The following KDR variants were observed in gnomAD, a reference collection of about 807,000 sequenced individuals.
KDR encodes the protein vascular endothelial growth factor receptor 2.
KDR carries 43 observed loss-of-function variants against 160.9 expected under a neutral mutation model. The observed-to-expected ratio is 0.27, with a 90% confidence interval of 0.21 to 0.34. The LOEUF (loss-of-function observed/expected upper bound fraction) is 0.34. Ranked by LOEUF, KDR falls within the 10% of genes least tolerant of loss-of-function variation. The probability of loss-of-function intolerance (pLI) is 1.00; values close to 1 mark genes in which losing one functional copy is unlikely to be tolerated. For synonymous variants in KDR, 617 were observed against 600.1 expected (o/e 1.03, Z -0.41); for missense variants, 1,469 against 1,666.4 (o/e 0.88, Z 2.06).
At chr4:55,102,111 G>T (rs1245084647) in intron 14 of KDR, 83 bp from the exon 15 acceptor site, 12 of 1,566,816 alleles carry the variant, frequency 7.7e-6, no homozygotes, top group Non-Finnish European at 1.1e-5. Flanking sequence ...AAATATAAAT[G>T]CTGCCCTTCA....
chr4:55,104,529 C>T (rs920275687), intron 13 of KDR, 114 bp downstream of exon 13: 2 of 813,528 alleles, frequency 2.5e-6, no homozygotes, highest in Non-Finnish European at 4.1e-6. Context: ...GAAGTGTGCA[C>T]CAGTTTACAA....
intron 27 of KDR, among the ~76,000 whole-genome samples, chr4:55,083,517 G>T (rs1719786669): frequency 6.6e-6 from 1 of 151,974 alleles, no homozygotes; most frequent in South Asian, 2.1e-4. Context: ...CAAAGAATAA[G>T]ACTTGTTGAA....
At chr4:55,124,677 T>A (rs1037042242) in intron 1 of KDR, among the ~76,000 whole-genome samples, 2 of 121,164 alleles carry the variant, frequency 1.7e-5, no homozygotes, top group Non-Finnish European at 3.5e-5. Context: ...AAAAAGTTTC[T>A]CTCCGCTCCA....
At chr4:55,082,438 A>G in intron 28 of KDR, 98 bp downstream of exon 28, 1 of 923,008 alleles carries the variant, frequency 1.1e-6, no homozygotes, top group East Asian at 2.5e-5. Flanking sequence ...CAGCCTTCTA[A>G]TGAGGCTCCA....
Position 55,080,022 on chromosome 4 carries a change from T to C in KDR, c.3990A>G (p.Ile1330Met), listed in dbSNP as rs1394705115. The C allele has an allele frequency of 1.2e-6, 2 of 1,614,180 alleles. No individual in the cohort carries two copies. Among genetic ancestry groups the C allele is most frequent in the South Asian group, 1.1e-5 (1 of 91,080 alleles). ...SSEEAELLKL[I>M]EIGVQTGSTA... Reference sequence around the variant, plus strand: ...TGCTACCGGTTTGCACTCCAATCTCTATCAGCTTTAAAAGTTCTGCTTCCT... The same window carrying C: ...TGCTACCGGTTTGCACTCCAATCTCCATCAGCTTTAAAAGTTCTGCTTCCT... The change falls in exon 30 of 30, where the codon ATA becomes ATG. Residue 1330 changes from isoleucine (I) to methionine (M), a missense_variant. By Grantham distance (10) the Ile-to-Met change is conservative (BLOSUM62 1). Coordinates refer to ENST00000263923, the MANE Select transcript of KDR (RefSeq NM_002253.4).
chr4:55,098,210 T>C lies in KDR; in HGVS notation c.2436A>G (p.Pro812=). ...LSIVMDPDEL[P]LDEHCERLPY... is the part of the protein sequence containing the mutation. ...GCAGTCGTTCACAATGTTCATCCAATGGGAGTTCATCTGGATCCATGACGA... is the reference window on the plus strand; with the variant it reads ...GCAGTCGTTCACAATGTTCATCCAACGGGAGTTCATCTGGATCCATGACGA... Residue 812 remains proline (P), a synonymous_variant, in exon 17 of 30, where the codon CCA becomes CCG. Coordinates refer to ENST00000263923, the MANE Select transcript of KDR (RefSeq NM_002253.4). The C allele has an allele frequency of 1.2e-6, 2 of 1,613,892 alleles. No homozygotes were observed. The highest frequency in any genetic ancestry group is 2.2e-5 in the South Asian group (2 of 91,082).
intron 9 of KDR, 24 bp downstream of exon 9, chr4:55,110,377 CAG>C: frequency 6.2e-7 from 1 of 1,611,008 alleles, no homozygotes. Context: ...AAATCTTGGG[CAG>C]AGAGGAAAAT....
intron 1 of KDR, 25 bp downstream of exon 1, chr4:55,125,202 T>G (rs1007267693): frequency 4.4e-6 from 7 of 1,607,744 alleles, no homozygotes; most frequent in Non-Finnish European, 5.9e-6. Context: ...CTGTCTGCCT[T>G]CCTCCTCCAG....
rs1578137110 is a variant in KDR at position 55,110,494 on chromosome 4, C to G, written c.1164G>C (p.Val388=). 6.2e-7 allele frequency: 1 copy of G among 1,613,944 alleles called. No individual in the cohort carries two copies. The highest frequency in any genetic ancestry group is 1.1e-5 in the South Asian group (1 of 91,078). ...KAGHVLTIME[V]SERDTGNYTV... ...TGTAATTTCCTGTGTCTCTTTCACT[C>G]ACTTCCATAATCGTCAGTACATGCC... The change falls in exon 9 of 30, where the codon GTG becomes GTC. Residue 388 remains valine, a synonymous_variant. Coordinates refer to ENST00000263923, the MANE Select transcript of KDR (RefSeq NM_002253.4).
chr4:55,113,938 G>A (rs1486604779), intron 6 of KDR, among the ~76,000 whole-genome samples, 188 bp downstream of exon 6: 1 of 152,102 alleles, frequency 6.6e-6, no homozygotes, highest in Non-Finnish European at 1.5e-5. Flanking sequence ...CCTTTTGGTG[G>A]GTGCTATCTG....
At chr4:55,112,453 T>C (rs1472569665) in intron 7 of KDR, among the ~76,000 whole-genome samples, 1 of 152,128 alleles carries the variant, frequency 6.6e-6, no homozygotes, top group East Asian at 1.9e-4. Flanking sequence ...ACTGTTTATG[T>C]TATCAGTAGG....
chr4:55,106,140 T>G (rs530599963), intron 11 of KDR, among the ~76,000 whole-genome samples, 200 bp from the exon 12 acceptor site: 1 of 152,094 alleles, frequency 6.6e-6, no homozygotes, highest in Admixed American at 6.5e-5. Flanking sequence ...TGGTTTGGAT[T>G]TTGGATTTTT....
At chr4:55,122,328 C>T (rs1302757741) in intron 1 of KDR, among the ~76,000 whole-genome samples, 1 of 151,976 alleles carries the variant, frequency 6.6e-6, no homozygotes, top group African/African-American at 2.4e-5. Context: ...ATATCAAGAC[C>T]TAGAAAATAC....
chr4:55,083,584 G>A (rs1719788798), intron 27 of KDR, among the ~76,000 whole-genome samples: 1 of 151,952 alleles, frequency 6.6e-6, no homozygotes, highest in Non-Finnish European at 1.5e-5. Context: ...CTTTGGGTGA[G>A]TCTAGTTGAT....
intron 28 of KDR, 41 bp from the exon 29 acceptor site, chr4:55,082,082 A>T: frequency 7.7e-7 from 1 of 1,303,540 alleles, no homozygotes. Context: ...AATTGAGCAT[A>T]TAAAATGACC....
chr4:55,119,534 A>C (rs1036093496), intron 2 of KDR, among the ~76,000 whole-genome samples: 2 of 152,208 alleles, frequency 1.3e-5, no homozygotes, highest in African/African-American at 4.8e-5. Context: ...AGATACAAAG[A>C]AAAGAGTAAA....
chr4:55,103,319 A>C (rs1281220848), intron 13 of KDR, among the ~76,000 whole-genome samples: 2 of 152,174 alleles, frequency 1.3e-5, no homozygotes, highest in Non-Finnish European at 2.9e-5. Context: ...TGCTGAAAAA[A>C]TCCACGTCAA....
rs548127650 is a variant in KDR, at chr4:55,125,422, G to A, written c.-129C>T. 8.3e-7 allele frequency: 1 copy of A among 1,202,022 alleles called. No individual in the cohort carries two copies. Among genetic ancestry groups the A allele is most frequent in the Non-Finnish European group, 1.2e-6 (1 of 849,868 alleles). 74.5% of individuals were successfully genotyped at this position (1,202,022 alleles called of 1,614,324 possible). On this transcript the variant is annotated 5_prime_UTR_variant, in exon 1 of 30. Coordinates refer to ENST00000263923, the MANE Select transcript of KDR (RefSeq NM_002253.4). ...GCAGCGCAGGACAGTTGAGCGCACA[G>A]GGCTAGGGAGCCCGGGCGCCGACCG...
In KDR at chr4:55,083,545, C is replaced by T. The variant is rs183111046; in HGVS notation, c.3663-910G>A. Among the ~76,000 whole-genome samples the T allele has an allele frequency of 1.5e-3, 228 of 152,150 alleles. 1 individual carries two copies. Among genetic ancestry groups the T allele is most frequent in the African/African-American group, 5.2e-3 (217 of 41,516 alleles). ...TTGTTGAACAACAGATCCTCTCCTT[C>T]TTGAGAATGCTCCTTCCCGGCCGTG... On this transcript the variant is annotated intron_variant, in intron 27 of 29. Transcript: ENST00000263923.
Sources: allele counts gnomAD v4.1 joint callset (sites outside exome capture counted in the v4.1 genomes callset), GRCh38; gene constraint gnomAD v4.1.1; transcripts MANE v1.5; gene names NCBI Gene and HGNC (gene_info 2026-07-23, HGNC 2026-07-21).